Variants in WWC1 observed in about 807,000 individuals in gnomAD.
The protein encoded by WWC1 is protein KIBRA.
WWC1 carries 55 observed loss-of-function variants against 138.4 expected under a neutral mutation model. The observed-to-expected ratio is 0.40, with a 90% CI of 0.32 to 0.50. WWC1 has a LOEUF of 0.50. Ranked by LOEUF, WWC1 falls within the 20% of genes least tolerant of loss-of-function variation. The pLI is 0.72. For synonymous variants in WWC1, 524 were observed against 564.9 expected (o/e 0.93, Z 1.03); for missense variants, 1,226 against 1,420.4 (o/e 0.86, Z 2.20).
intron 15 of WWC1, among the ~76,000 whole-genome samples, chr5:168,434,353 G>T (rs1782182011): frequency 8.3e-6 from 1 of 121,170 alleles, no homozygotes; most frequent in South Asian, 2.8e-4. Flanking sequence ...AGGAGAGGAA[G>T]TGAGATGGGA....
chr5:168,425,774 C>T (rs969790254), intron 11 of WWC1, among the ~76,000 whole-genome samples: 1 of 152,070 alleles, frequency 6.6e-6, no homozygotes, highest in African/African-American at 2.4e-5. Flanking sequence ...GCTGGGATTA[C>T]AGGCGTGAAC....
intron 1 of WWC1, among the ~76,000 whole-genome samples, chr5:168,336,342 G>A (rs1312126762): frequency 1.3e-5 from 2 of 151,992 alleles, no homozygotes; most frequent in African/African-American, 2.4e-5. Context: ...AGGCCGAGGC[G>A]GGTGGATCAC....
intron 1 of WWC1, among the ~76,000 whole-genome samples, chr5:168,368,975 CCTT>C (rs1776531719): frequency 6.6e-6 from 1 of 152,144 alleles, no homozygotes; most frequent in Admixed American, 6.6e-5. Context: ...CATTTTCCCT[CCTT>C]CTACTCCAAA....
intron 3 of WWC1, among the ~76,000 whole-genome samples, chr5:168,396,947 C>T (rs1397193252): frequency 6.7e-6 from 1 of 149,378 alleles, no homozygotes; most frequent in Non-Finnish European, 1.5e-5. Context: ...GTACAATCAA[C>T]AATACTTTTA....
intron 1 of WWC1, among the ~76,000 whole-genome samples, chr5:168,342,030 G>T (rs1774076600): frequency 2.0e-5 from 3 of 152,178 alleles, no homozygotes; most frequent in African/African-American, 7.2e-5. Context: ...ATGTGTAATG[G>T]GAGGAAACAG....
At chr5:168,314,380 CAACATGGAGAA>C (rs151124019) in intron 1 of WWC1, among the ~76,000 whole-genome samples, 51,042 of 151,504 alleles carry the variant, frequency 0.34, 8,868 homozygotes, top group East Asian at 0.48. Flanking sequence ...CCAGCCTGAC[CAACATGGAGAA>C]ACCCCATCTC....
chr5:168,423,967 C>G lies in WWC1; in HGVS notation c.1709C>G (p.Pro570Arg). 2 of 1,614,096 alleles carry G rather than the reference C, an allele frequency of 1.2e-6. No individual in the cohort carries two copies. Among genetic ancestry groups the G allele is most frequent in the Non-Finnish European group, 1.7e-6 (2 of 1,180,024 alleles). The change falls in exon 11 of 23, where the codon CCG (proline) becomes CGG (arginine). Residue 570 changes from proline (P) to arginine (R), a missense_variant. Physicochemically the swap from Pro to Arg is moderately radical, Grantham distance 103 (BLOSUM62 -2). Transcript: ENST00000265293. ...CTCAACTCCTTGGAGTTTGAAGACC[C>G]GGAGCTGAGTGCCACTCTTTGTGAA... ...AFLNSLEFED[P>R]ELSATLCELS...
chr5:168,331,875 G>T (rs1211504508), intron 1 of WWC1, among the ~76,000 whole-genome samples: 1 of 152,212 alleles, frequency 6.6e-6, no homozygotes, highest in Non-Finnish European at 1.5e-5. Flanking sequence ...GCTGGGCACG[G>T]TGGCTCATGC....
chr5:168,322,403 A>G (rs1250877890), intron 1 of WWC1, among the ~76,000 whole-genome samples: 2 of 152,208 alleles, frequency 1.3e-5, no homozygotes, highest in African/African-American at 2.4e-5. Flanking sequence ...GCAGCCATAG[A>G]TAATATATCG....
At position 168,306,684 on chromosome 5, in the gene WWC1, C is replaced by T. The variant is rs577628211; in HGVS notation, c.119+14413C>T. Among the ~76,000 whole-genome samples, 69 of 152,288 alleles carry T rather than the reference C, an allele frequency of 4.5e-4. No homozygotes were observed. The South Asian group carries it at 7.0e-3, about 16-fold the overall frequency. On this transcript the variant is annotated intron_variant, in intron 1 of 22. Coordinates refer to ENST00000265293, the MANE Select transcript of WWC1 (RefSeq NM_015238.3). Reference sequence around the variant, plus strand: ...CAATCTCAGCTGACTGCAACCTCTGCCTCCTGGGTTCAAGTACTTTTCTTG... The same window carrying T: ...CAATCTCAGCTGACTGCAACCTCTGTCTCCTGGGTTCAAGTACTTTTCTTG...
At chr5:168,382,814 A>C (rs1314322259) in intron 2 of WWC1, among the ~76,000 whole-genome samples, 1 of 152,150 alleles carries the variant, frequency 6.6e-6, no homozygotes, top group African/African-American at 2.4e-5. Flanking sequence ...CAGTCTTCAG[A>C]CCTTACTTTT....
intron 17 of WWC1, among the ~76,000 whole-genome samples, chr5:168,446,984 A>G (rs932067661): frequency 7.2e-5 from 11 of 152,242 alleles, no homozygotes; most frequent in African/African-American, 2.4e-4. Flanking sequence ...AGCTCAGCCA[A>G]CTTCCTTCTG....
chr5:168,437,418 T>C (rs564387588), intron 15 of WWC1, among the ~76,000 whole-genome samples: 66 of 152,374 alleles, frequency 4.3e-4, no homozygotes, highest in African/African-American at 1.5e-3. Context: ...CAACTATTTC[T>C]CTTTCTTGGT....
intron 15 of WWC1, among the ~76,000 whole-genome samples, chr5:168,435,487 A>G (rs996285497): frequency 6.6e-6 from 1 of 152,048 alleles, no homozygotes. Flanking sequence ...CTCAGCTCAC[A>G]GCAGCCTTGA....
rs140031961 is a variant in WWC1 at position 168,465,708 on chromosome 5, C to T, written c.3150+746C>T. On this transcript the variant is annotated intron_variant, in intron 21 of 22. Transcript: ENST00000265293. Reference sequence around the variant, plus strand: ...GAGTAACTGTGTTGACAGGTGCATACCAATATGCCCGGCTAATTTTTGTAT... The same window carrying T: ...GAGTAACTGTGTTGACAGGTGCATATCAATATGCCCGGCTAATTTTTGTAT... 3.5e-3 allele frequency among the ~76,000 whole-genome samples: 535 copies of T among 151,772 alleles called. 3 individuals carry two copies. Among genetic ancestry groups the T allele is most frequent in the African/African-American group, 0.013 (520 of 41,338 alleles).
chr5:168,334,828 A>T (rs1187850615), intron 1 of WWC1, among the ~76,000 whole-genome samples: 1 of 152,226 alleles, frequency 6.6e-6, no homozygotes, highest in Non-Finnish European at 1.5e-5. Flanking sequence ...GCAGCTGAGG[A>T]TGTGACTGAG....
intron 5 of WWC1, among the ~76,000 whole-genome samples, chr5:168,404,509 G>T (rs981516322): frequency 6.6e-6 from 1 of 152,208 alleles, no homozygotes. Flanking sequence ...TGTTGAGACC[G>T]TGCTCCATGC....
intron 1 of WWC1, among the ~76,000 whole-genome samples, chr5:168,356,095 G>A (rs1775390639): frequency 6.6e-6 from 1 of 152,242 alleles, no homozygotes; most frequent in South Asian, 2.1e-4. Flanking sequence ...CATCTAGGTA[G>A]GACATGGAGA....
chr5:168,430,050 C>A, intron 13 of WWC1, 87 bp from the exon 14 acceptor site: 2 of 1,092,692 alleles, frequency 1.8e-6, no homozygotes, highest in South Asian at 1.4e-5. Flanking sequence ...AGCCAACAGC[C>A]ACGTCCTGTG....
Sources: allele counts gnomAD v4.1 joint callset (sites outside exome capture counted in the v4.1 genomes callset), GRCh38; gene constraint gnomAD v4.1.1; transcripts MANE v1.5; gene names NCBI Gene and HGNC (gene_info 2026-07-23, HGNC 2026-07-21).